Variants in AGBL4 observed in about 807,000 individuals in gnomAD.
AGBL4 encodes cytosolic carboxypeptidase 6.
A neutral mutation model predicts 66.4 loss-of-function variants in AGBL4; 58 were observed. That is an observed-to-expected ratio of 0.87 (90% CI 0.71 to 1.09). The LOEUF is 1.09. AGBL4 is among the 50% of genes least tolerant of loss of function. The pLI, the probability that AGBL4 is intolerant of heterozygous loss-of-function variation, is 0.00. For missense variants in AGBL4, 579 were observed against 631.0 expected, an observed-to-expected ratio of 0.92 and a Z score of 0.88; for synonymous variants, 234 against 222.9, an observed-to-expected ratio of 1.05 and a Z score of -0.44.
At chr1:49,264,691 G>A (rs191508184) in intron 3 of AGBL4, among the ~76,000 whole-genome samples, 3 of 152,040 alleles carry the variant, frequency 2.0e-5, no homozygotes, top group South Asian at 2.1e-4. Context: ...GACTACAGTC[G>A]CATATCACCA....
At chr1:49,425,940 G>A (rs895893279) in intron 3 of AGBL4, among the ~76,000 whole-genome samples, 9 of 152,148 alleles carry the variant, frequency 5.9e-5, no homozygotes, top group East Asian at 1.9e-4. Flanking sequence ...GCTCTGTGAC[G>A]CCTGGCAAGT....
intron 3 of AGBL4, among the ~76,000 whole-genome samples, chr1:49,617,403 G>T (rs1645270246): frequency 1.3e-5 from 2 of 152,084 alleles, no homozygotes; most frequent in Non-Finnish European, 2.9e-5. Context: ...CCTCTTACTG[G>T]ACTATTATTC....
chr1:49,655,736 T>C (rs1469241825), intron 3 of AGBL4, among the ~76,000 whole-genome samples: 1 of 151,938 alleles, frequency 6.6e-6, no homozygotes, highest in East Asian at 1.9e-4. Context: ...AGATACAAAA[T>C]CTCTTCAAAA....
chr1:49,682,926 G>T (rs1241160841), intron 3 of AGBL4, among the ~76,000 whole-genome samples: 2 of 152,166 alleles, frequency 1.3e-5, no homozygotes, highest in African/African-American at 4.8e-5. Flanking sequence ...AGATATGATT[G>T]AAGAGACACA....
intron 6 of AGBL4, among the ~76,000 whole-genome samples, chr1:48,812,494 A>G (rs1384155671): frequency 6.6e-6 from 1 of 152,206 alleles, no homozygotes; most frequent in Non-Finnish European, 1.5e-5. Flanking sequence ...AACACTCTCT[A>G]GAGTCTGCTC....
chr1:48,938,955 G>A (rs948141699), intron 5 of AGBL4, among the ~76,000 whole-genome samples: 1 of 152,140 alleles, frequency 6.6e-6, no homozygotes, highest in African/African-American at 2.4e-5. Context: ...TAATCTTCAA[G>A]GAAGCCCAGT....
chr1:49,377,300 A>G lies in AGBL4; in HGVS notation c.283-131436T>C, dbSNP rs115155603. 5.1e-3 allele frequency among the ~76,000 whole-genome samples: 783 copies of G among 152,216 alleles called. 12 individuals carry two copies. The highest frequency in any genetic ancestry group is 5.4e-3 in the Non-Finnish European group (366 of 67,990). On this transcript the variant is annotated intron_variant, in intron 3 of 13. Coordinates refer to ENST00000371839, the MANE Select transcript of AGBL4 (RefSeq NM_032785.4). ...CCTTCTATGTTCCAAGCTCTGCATT[A>G]GTGGCATTGAAATAATTCTTATCTC...
At chr1:49,637,747 A>G (rs537303893) in intron 3 of AGBL4, among the ~76,000 whole-genome samples, 288 of 152,268 alleles carry the variant, frequency 1.9e-3, no homozygotes, top group Middle Eastern at 3.4e-3. Flanking sequence ...AATAGCAACA[A>G]ATTAAAAAAT....
intron 3 of AGBL4, among the ~76,000 whole-genome samples, chr1:49,406,808 G>C (rs1645209545): frequency 6.6e-6 from 1 of 151,972 alleles, no homozygotes; most frequent in Non-Finnish European, 1.5e-5. Flanking sequence ...GCTCATGCCT[G>C]TAATCCCAGC....
At chr1:48,900,095 G>C (rs1651939463) in intron 5 of AGBL4, among the ~76,000 whole-genome samples, 1 of 152,246 alleles carries the variant, frequency 6.6e-6, no homozygotes, top group African/African-American at 2.4e-5. Flanking sequence ...CAGTCAGAGA[G>C]GACAGCTTGT....
At chr1:49,357,070 C>G (rs1212030986) in intron 3 of AGBL4, among the ~76,000 whole-genome samples, 1 of 152,156 alleles carries the variant, frequency 6.6e-6, no homozygotes, top group East Asian at 1.9e-4. Context: ...TTACAAAATG[C>G]AGGGAATGAC....
intron 3 of AGBL4, among the ~76,000 whole-genome samples, chr1:49,324,678 T>A (rs566026432): frequency 6.6e-6 from 1 of 152,308 alleles, no homozygotes; most frequent in Admixed American, 6.5e-5. Flanking sequence ...CTGACATTAT[T>A]CCTCCATCTT....
intron 1 of AGBL4, among the ~76,000 whole-genome samples, chr1:49,892,095 T>C (rs1416728288): frequency 3.3e-5 from 5 of 152,084 alleles, no homozygotes; most frequent in Non-Finnish European, 5.9e-5. Context: ...GTGAACAAGA[T>C]AGCAACAAAT....
chr1:49,253,266 G>GA (rs111828973), intron 3 of AGBL4, among the ~76,000 whole-genome samples: 1 of 152,046 alleles, frequency 6.6e-6, no homozygotes, highest in Non-Finnish European at 1.5e-5. Context: ...CCTAGTTTCT[G>GA]AAAAAACAGA....
chr1:49,047,682 T>A (rs77350022), intron 4 of AGBL4, among the ~76,000 whole-genome samples: 6,627 of 152,046 alleles, frequency 0.044, 182 homozygotes, highest in East Asian at 0.075. Flanking sequence ...GCAATTGGGG[T>A]AGTAATGTCC....
At chr1:48,877,968 A>C (rs893402848) in intron 5 of AGBL4, among the ~76,000 whole-genome samples, 6 of 152,172 alleles carry the variant, frequency 3.9e-5, no homozygotes, top group African/African-American at 1.4e-4. Flanking sequence ...TCGCATCTCT[A>C]AAATGAGGAC....
intron 6 of AGBL4, among the ~76,000 whole-genome samples, chr1:48,671,509 C>T (rs1229889431): frequency 6.6e-6 from 1 of 152,186 alleles, no homozygotes. Context: ...GCCACAGGTA[C>T]GTATGTGACT....
At chr1:49,190,406 G>T (rs916306275) in intron 4 of AGBL4, among the ~76,000 whole-genome samples, 1 of 152,162 alleles carries the variant, frequency 6.6e-6, no homozygotes, top group African/African-American at 2.4e-5. Flanking sequence ...AAGGGAAAAG[G>T]CTTGGATCTG....
At chr1:48,795,681 C>G (rs1048649082) in intron 6 of AGBL4, among the ~76,000 whole-genome samples, 8 of 152,156 alleles carry the variant, frequency 5.3e-5, no homozygotes, top group Non-Finnish European at 1.2e-4. Context: ...GAGATGGAGT[C>G]TTGCTCCATT....
Sources: allele counts gnomAD v4.1 joint callset (sites outside exome capture counted in the v4.1 genomes callset), GRCh38; gene constraint gnomAD v4.1.1; transcripts MANE v1.5; gene names NCBI Gene and HGNC (gene_info 2026-07-23, HGNC 2026-07-21).